The following NAV2 variants were observed in gnomAD, a reference collection of about 807,000 sequenced individuals.
NAV2 encodes helicase, APC down-regulated 1.
A neutral mutation model predicts 223.2 loss-of-function variants in NAV2; 54 were observed. The ratio of observed to expected loss-of-function variants is 0.24; its 90% confidence interval spans 0.19 to 0.30. The LOEUF (loss-of-function observed/expected upper bound fraction) is 0.30, where lower values mean the gene tolerates loss of function less well. Among genes scored for constraint, NAV2 ranks in the 10% least tolerant of loss-of-function variants. The pLI, the probability that NAV2 is intolerant of heterozygous loss-of-function variation, is 1.00. For synonymous variants in NAV2, 1,279 were observed against 1,239.3 expected (o/e 1.03, Z -0.67); for missense variants, 2,806 against 3,147.5 (o/e 0.89, Z 2.60).
At chr11:20,036,846 T>C (rs2153568164) in intron 12 of NAV2, among the ~76,000 whole-genome samples, 1 of 152,312 alleles carries the variant, frequency 6.6e-6, no homozygotes, top group East Asian at 1.9e-4. Flanking sequence ...CCAGCTGTAC[T>C]CCTTAAATTA....
chr11:19,728,609 T>C (rs1006001708), intron 1 of NAV2, among the ~76,000 whole-genome samples: 3 of 152,242 alleles, frequency 2.0e-5, no homozygotes, highest in Non-Finnish European at 4.4e-5. Context: ...CTTCCTCATC[T>C]GCACCACAGG....
chr11:19,674,057 G>A (rs896209620), intron 1 of NAV2, among the ~76,000 whole-genome samples: 6 of 152,202 alleles, frequency 3.9e-5, no homozygotes, highest in African/African-American at 7.2e-5. Context: ...AGCGTGGGCC[G>A]TCGTCAGTCC....
intron 1 of NAV2, among the ~76,000 whole-genome samples, chr11:19,542,082 A>T (rs954037076): frequency 6.6e-6 from 1 of 152,222 alleles, no homozygotes; most frequent in Non-Finnish European, 1.5e-5. Flanking sequence ...CATTGACCTC[A>T]TATGGGAATC....
chr11:19,772,743 C>T (rs770643510), intron 1 of NAV2, among the ~76,000 whole-genome samples: 2 of 152,116 alleles, frequency 1.3e-5, no homozygotes, highest in Non-Finnish European at 2.9e-5. Flanking sequence ...GGTGGAGAGG[C>T]GTCAGCCCAC....
chr11:20,063,805 T>C (rs1032494619), intron 20 of NAV2, among the ~76,000 whole-genome samples: 2 of 152,210 alleles, frequency 1.3e-5, no homozygotes, highest in Non-Finnish European at 2.9e-5. Context: ...TTTTAATAAT[T>C]TAGGTTTTGA....
chr11:19,834,317 A>G (rs747929517), intron 2 of NAV2, among the ~76,000 whole-genome samples: 9 of 152,176 alleles, frequency 5.9e-5, no homozygotes, highest in Non-Finnish European at 1.2e-4. Flanking sequence ...TAGTAGTCCA[A>G]TGTCACCTGA....
At chr11:19,967,626 AC>A (rs2048884816) in intron 10 of NAV2, among the ~76,000 whole-genome samples, 1 of 152,004 alleles carries the variant, frequency 6.6e-6, no homozygotes, top group Admixed American at 6.6e-5. Context: ...CCAAAAGTAG[AC>A]CTGTTAAAAC....
intron 1 of NAV2, among the ~76,000 whole-genome samples, chr11:19,826,478 T>A (rs546657320): frequency 6.6e-6 from 1 of 152,226 alleles, no homozygotes; most frequent in Admixed American, 6.5e-5. Flanking sequence ...AAAGAAATTA[T>A]AAGTTTATTT....
Position 20,048,922 on chromosome 11 carries a change from C to T in NAV2, c.4097C>T (p.Pro1366Leu), listed in dbSNP as rs748990721. The T allele has an allele frequency of 9.3e-6, 15 of 1,614,064 alleles. No individual in the cohort carries two copies. The highest frequency in any genetic ancestry group is 4.0e-5 in the African/African-American group (3 of 74,924). Residue 1366 changes from proline to leucine, a missense_variant, in exon 15 of 38, where the codon CCG becomes CTG. By Grantham distance (98) the Pro-to-Leu change is moderately conservative. This residue lies in a region of NAV2 where 742 missense variants were observed against 777.9 expected (regional missense o/e 0.95). Transcript: ENST00000349880. Reference protein sequence around the residue: ...YSKNVDLNQSPLASSPSSAHS... With the variant: ...YSKNVDLNQSLLASSPSSAHS... ...AAGAATGTGGACCTCAACCAGTCTC[C>T]GCTAGCCTCCAGCCCCAGCTCAGCC...
At chr11:19,966,293 C>A (rs1267774790) in intron 10 of NAV2, among the ~76,000 whole-genome samples, 1 of 152,182 alleles carries the variant, frequency 6.6e-6, no homozygotes, top group African/African-American at 2.4e-5. Flanking sequence ...CCCCATACCA[C>A]CCAGTGTGAT....
At chr11:19,666,273 A>G (rs1335803577) in intron 1 of NAV2, among the ~76,000 whole-genome samples, 1 of 152,222 alleles carries the variant, frequency 6.6e-6, no homozygotes, top group Non-Finnish European at 1.5e-5. Context: ...CAGTTGCTTT[A>G]GGGTGGGGCC....
In NAV2 at chr11:20,035,983, C is replaced by A; in HGVS notation, c.2793C>A (p.Ser931Arg). 1 of 1,614,180 alleles carries A rather than the reference C, an allele frequency of 6.2e-7. No homozygotes were observed. Among genetic ancestry groups the A allele is most frequent in the Non-Finnish European group, 8.5e-7 (1 of 1,180,028 alleles). Residue 931 changes from serine to arginine, a missense_variant, in exon 12 of 38, where the codon AGC becomes AGA. Around this residue, in one of 4 missense-constraint regions of NAV2, gnomAD observed 73 missense variants for 119.7 expected, o/e 0.61. Transcript: ENST00000349880. ...GCTGGGACGACAGCAGCTCCGTCAG[C>A]AGCGGCATCAGCGACACCATAGACA... Reference protein sequence around the residue: ...ADSWDDSSSVSSGISDTIDNL... With the variant: ...ADSWDDSSSVRSGISDTIDNL...
intron 36 of NAV2, among the ~76,000 whole-genome samples, chr11:20,110,524 C>G (rs967283113): frequency 1.3e-5 from 2 of 152,116 alleles, no homozygotes; most frequent in African/African-American, 4.8e-5. Context: ...GACGTTCTTG[C>G]CCCGTACCAT....
Position 19,957,770 on chromosome 11 carries a change from C to G in NAV2, c.2645+8690C>G, listed in dbSNP as rs554572585. Among the ~76,000 whole-genome samples the G allele has an allele frequency of 2.7e-4, 41 of 152,280 alleles. No homozygotes were observed. The South Asian group carries it at 7.9e-3, about 29-fold the overall frequency. On this transcript the variant is annotated intron_variant, in intron 10 of 37. Coordinates refer to ENST00000349880, the MANE Select transcript of NAV2 (RefSeq NM_145117.5). ...GACGACAGACTTAGCAGGCTGAGAC[C>G]TGGATTAAAAAGAGATTTACTGGGG... is the stretch of plus-strand genomic sequence containing the variant.
At chr11:19,954,604 T>C (rs1211087305) in intron 10 of NAV2, among the ~76,000 whole-genome samples, 1 of 152,184 alleles carries the variant, frequency 6.6e-6, no homozygotes, top group Non-Finnish European at 1.5e-5. Flanking sequence ...ATATGGATAG[T>C]TGTTATACTT....
chr11:19,525,628 G>C (rs746251920), intron 1 of NAV2, among the ~76,000 whole-genome samples: 2 of 152,212 alleles, frequency 1.3e-5, no homozygotes, highest in Non-Finnish European at 2.9e-5. Context: ...TCTTTGCAAA[G>C]TGGGCACTTC....
At chr11:19,816,066 T>C (rs779703870) in intron 1 of NAV2, among the ~76,000 whole-genome samples, 1 of 152,174 alleles carries the variant, frequency 6.6e-6, no homozygotes, top group South Asian at 2.1e-4. Context: ...GTAGTCTTCG[T>C]AGTAAACGCC....
intron 3 of NAV2, among the ~76,000 whole-genome samples, chr11:19,860,206 C>A (rs1330255870): frequency 8.1e-6 from 1 of 123,868 alleles, no homozygotes; most frequent in Non-Finnish European, 1.8e-5. Flanking sequence ...GGGTGGCTGC[C>A]GGGCGGAGAC....
intron 1 of NAV2, among the ~76,000 whole-genome samples, chr11:19,414,780 G>T (rs1850294671): frequency 6.6e-6 from 1 of 152,202 alleles, no homozygotes; most frequent in Non-Finnish European, 1.5e-5. Flanking sequence ...TAGAACTCAG[G>T]ATTAAGAAAC....
Sources: gnomAD v4.1 joint callset for allele counts (sites outside exome capture counted in the v4.1 genomes callset) on GRCh38, gnomAD v4.1.1 for gene constraint, gnomAD v4.1.1 regional missense constraint, MANE v1.5 for transcripts, NCBI Gene and HGNC (gene_info 2026-07-23, HGNC 2026-07-21) for gene names.